Variants in TFDP2 observed in about 807,000 individuals in gnomAD.
TFDP2 encodes the protein transcription factor Dp-2.
TFDP2 carries 17 observed loss-of-function variants against 59.3 expected under a neutral mutation model. That is an observed-to-expected ratio of 0.29 (90% confidence interval 0.20 to 0.43). TFDP2 has a LOEUF of 0.43. TFDP2 is among the 20% of genes least tolerant of loss of function. The probability of loss-of-function intolerance (pLI) is 1.00; values close to 1 mark genes in which losing one functional copy is unlikely to be tolerated. For missense variants in TFDP2, 391 were observed against 528.8 expected, an observed-to-expected ratio of 0.74 and a Z score of 2.56; for synonymous variants, 180 against 194.7, an observed-to-expected ratio of 0.92 and a Z score of 0.63.
intron 4 of TFDP2, among the ~76,000 whole-genome samples, chr3:141,997,849 C>CAAAAAAAAA (rs3058569): frequency 3.1e-4 from 26 of 84,010 alleles, no homozygotes; most frequent in Non-Finnish European, 4.4e-4. Flanking sequence ...GACTCCATCT[C>CAAAAAAAAA]AAAAAAAAAA....
chr3:142,141,022 G>T (rs1391251622), intron 1 of TFDP2, among the ~76,000 whole-genome samples: 1 of 152,206 alleles, frequency 6.6e-6, no homozygotes. Context: ...GGTAGGCTCC[G>T]CCCAGTTTGA....
At chr3:142,008,750 A>G (rs1944413124) in intron 3 of TFDP2, among the ~76,000 whole-genome samples, 1 of 152,082 alleles carries the variant, frequency 6.6e-6, no homozygotes, top group Middle Eastern at 3.4e-3. Flanking sequence ...ATACACACAC[A>G]TATATATGCA....
intron 6 of TFDP2, among the ~76,000 whole-genome samples, chr3:141,980,206 C>T (rs959877731): frequency 5.5e-5 from 8 of 144,624 alleles, no homozygotes; most frequent in Middle Eastern, 7.4e-3. Flanking sequence ...TGCCCAGCCA[C>T]GTCTCAGTGT....
At chr3:142,030,988 C>T (rs552693213) in intron 3 of TFDP2, among the ~76,000 whole-genome samples, 23 of 151,842 alleles carry the variant, frequency 1.5e-4, no homozygotes, top group African/African-American at 5.6e-4. Flanking sequence ...GTGATCCGCC[C>T]GCCTCGGCCT....
intron 1 of TFDP2, among the ~76,000 whole-genome samples, chr3:142,125,553 A>G (rs956635247): frequency 6.6e-5 from 10 of 152,190 alleles, no homozygotes; most frequent in Non-Finnish European, 1.3e-4. Context: ...TCATTTATAT[A>G]GCAAAAGATT....
In TFDP2 at chr3:141,949,917, C is replaced by G. The variant is rs1935752938; in HGVS notation, c.*2596G>C. The stretch of plus-strand genomic sequence containing the variant: ...CCGCCTCCTGCGCTCAAGCAATCCT[C>G]CCACCTCAGCCTCTTGAGTAGCCAG... On this transcript the variant is annotated 3_prime_UTR_variant, in exon 13 of 13. Transcript: ENST00000489671. The G allele has an allele frequency of 1.3e-5, 2 of 150,410 alleles. No homozygotes were observed. Among genetic ancestry groups the G allele is most frequent in the African/African-American group, 5.0e-5 (2 of 40,354 alleles). 9.3% of individuals were successfully genotyped at this position (150,410 alleles called of 1,614,324 possible).
chr3:142,012,341 C>T (rs1312946972), intron 3 of TFDP2, among the ~76,000 whole-genome samples: 1 of 152,090 alleles, frequency 6.6e-6, no homozygotes, highest in East Asian at 1.9e-4. Context: ...AAGCTTTTTT[C>T]CATTTCAACA....
intron 3 of TFDP2, among the ~76,000 whole-genome samples, chr3:142,092,407 G>A (rs1041418319): frequency 2.6e-5 from 4 of 152,048 alleles, no homozygotes; most frequent in Admixed American, 2.0e-4. Flanking sequence ...GCTCACTGCA[G>A]CCTCAACCTT....
chr3:142,102,509 T>A (rs980760837), intron 1 of TFDP2, among the ~76,000 whole-genome samples: 1 of 152,230 alleles, frequency 6.6e-6, no homozygotes, highest in Admixed American at 6.5e-5. Flanking sequence ...ATACAGTTAG[T>A]AAAACTTCCA....
At chr3:141,956,322 C>A (rs1435897855) in intron 11 of TFDP2, among the ~76,000 whole-genome samples, 1 of 152,096 alleles carries the variant, frequency 6.6e-6, no homozygotes, top group Non-Finnish European at 1.5e-5. Flanking sequence ...GAGGCCGAAG[C>A]GGGTGGATCA....
intron 1 of TFDP2, 99 bp from the exon 2 acceptor site, chr3:142,101,940 T>A (rs543588288): frequency 4.8e-6 from 2 of 419,646 alleles, no homozygotes; most frequent in South Asian, 1.6e-4. Flanking sequence ...CTAAGTGAAC[T>A]GTCTAAATTA....
At chr3:141,962,205 A>G (rs1022383441) in intron 10 of TFDP2, among the ~76,000 whole-genome samples, 1 of 150,600 alleles carries the variant, frequency 6.6e-6, no homozygotes, top group Non-Finnish European at 1.5e-5. Context: ...TGGCCTCCCA[A>G]AGTGCTGGGA....
intron 1 of TFDP2, among the ~76,000 whole-genome samples, chr3:142,141,100 T>C (rs1204892620): frequency 2.6e-5 from 4 of 152,196 alleles, no homozygotes; most frequent in East Asian, 3.9e-4. Context: ...CCAACCCGGC[T>C]GCAGCCTCAC....
At chr3:142,067,607 T>TA (rs1385842752) in intron 3 of TFDP2, among the ~76,000 whole-genome samples, 1 of 152,142 alleles carries the variant, frequency 6.6e-6, no homozygotes, top group Non-Finnish European at 1.5e-5. Flanking sequence ...ACTTTGTAGT[T>TA]ATCAAAAAAC....
chr3:142,075,567 C>T (rs2060414931), intron 3 of TFDP2, among the ~76,000 whole-genome samples: 1 of 151,892 alleles, frequency 6.6e-6, no homozygotes, highest in Non-Finnish European at 1.5e-5. Context: ...CTCTGTTAGT[C>T]CCTCTCTACT....
intron 3 of TFDP2, among the ~76,000 whole-genome samples, chr3:142,018,485 C>A (rs1402507458): frequency 3.3e-5 from 5 of 151,786 alleles, no homozygotes; most frequent in African/African-American, 1.2e-4. Flanking sequence ...TTTTTAGAGA[C>A]GGGGTTTCCT....
chr3:142,137,392 G>T (rs955858356), intron 1 of TFDP2, among the ~76,000 whole-genome samples: 2 of 152,146 alleles, frequency 1.3e-5, no homozygotes, highest in South Asian at 2.1e-4. Flanking sequence ...TTGCCTGACT[G>T]CCCTGGCCAG....
At chr3:142,023,606 T>A (rs943665446) in intron 3 of TFDP2, among the ~76,000 whole-genome samples, 1 of 152,138 alleles carries the variant, frequency 6.6e-6, no homozygotes, top group Non-Finnish European at 1.5e-5. Flanking sequence ...AAAGAGGGGA[T>A]CGTTGTTTTA....
In TFDP2 at chr3:142,101,820, A is replaced by G; in HGVS notation, c.-71T>C. ...TAAAAAGAAAAAAACCTTCGTCTTC[A>G]ATAATTCTTTAAAAGAACAACCTGT... On this transcript the variant is annotated 5_prime_UTR_variant, in exon 2 of 13. Coordinates refer to ENST00000489671, the MANE Select transcript of TFDP2 (RefSeq NM_001178139.2). The G allele has an allele frequency of 1.1e-6, 1 of 927,262 alleles. No homozygotes were observed. The highest frequency in any genetic ancestry group is 1.5e-6 in the Non-Finnish European group (1 of 659,376). 57.4% of individuals were successfully genotyped at this position (927,262 alleles called of 1,614,324 possible). A position where few individuals can be genotyped will look rare whatever the true frequency, so the allele number is the denominator to read the frequency against.
Sources: gnomAD v4.1 joint callset for allele counts (sites outside exome capture counted in the v4.1 genomes callset) on GRCh38, gnomAD v4.1.1 for gene constraint, MANE v1.5 for transcripts, NCBI Gene and HGNC (gene_info 2026-07-23, HGNC 2026-07-21) for gene names.